The following ELMO1 variants were observed in gnomAD, a reference collection of about 807,000 sequenced individuals.
ELMO1 encodes engulfment and cell motility protein 1.
ELMO1 carries 26 observed loss-of-function variants against 98.9 expected under a neutral mutation model. That is an observed-to-expected ratio of 0.26 (90% CI 0.19 to 0.36). The LOEUF is 0.36. ELMO1 is among the 10% of genes least tolerant of loss of function. ELMO1 has a pLI of 1.00. For synonymous variants in ELMO1, 346 were observed against 346.0 expected (o/e 1.00, Z 0.00); for missense variants, 627 against 935.2 (o/e 0.67, Z 4.30).
At chr7:37,408,434 T>A (rs1290772061) in intron 1 of ELMO1, among the ~76,000 whole-genome samples, 1 of 152,008 alleles carries the variant, frequency 6.6e-6, no homozygotes. Context: ...GTGGAAAAAA[T>A]AACCGCAGAG....
At chr7:37,289,314 G>A (rs1051544703) in intron 4 of ELMO1, among the ~76,000 whole-genome samples, 33 of 152,194 alleles carry the variant, frequency 2.2e-4, no homozygotes, top group Admixed American at 2.0e-3. Context: ...TTCAGTCAAC[G>A]AGTGGATATT....
chr7:36,968,615 G>A (rs1789648896), intron 16 of ELMO1, among the ~76,000 whole-genome samples: 3 of 151,916 alleles, frequency 2.0e-5, no homozygotes, highest in African/African-American at 4.8e-5. Context: ...ATTAAATTTT[G>A]TTAATTCTTA....
chr7:37,285,987 TACAGAG>T (rs907382693), intron 4 of ELMO1, among the ~76,000 whole-genome samples: 8 of 150,396 alleles, frequency 5.3e-5, no homozygotes, highest in Admixed American at 5.3e-4. Context: ...CACAAAGTGC[TACAGAG>T]ACAAGAAAAA....
intron 16 of ELMO1, among the ~76,000 whole-genome samples, chr7:36,982,209 T>C (rs1167121417): frequency 1.3e-5 from 2 of 152,246 alleles, no homozygotes; most frequent in Admixed American, 6.5e-5. Flanking sequence ...TAACTATGAA[T>C]TTTATGAGAT....
At chr7:37,213,517 A>T in intron 11 of ELMO1, 60 bp from the exon 12 acceptor site, 1 of 1,508,898 alleles carries the variant, frequency 6.6e-7, no homozygotes, top group South Asian at 1.2e-5. Context: ...AACAACTAGA[A>T]TTAACACTCA....
intron 1 of ELMO1, among the ~76,000 whole-genome samples, chr7:37,350,057 G>A (rs960408860): frequency 7.9e-5 from 12 of 152,164 alleles, no homozygotes; most frequent in Non-Finnish European, 1.2e-4. Context: ...TACACTGGAG[G>A]GTCTGGATGG....
intron 14 of ELMO1, among the ~76,000 whole-genome samples, chr7:37,097,337 A>C (rs1291605854): frequency 6.6e-6 from 1 of 152,218 alleles, no homozygotes; most frequent in African/African-American, 2.4e-5. Flanking sequence ...CAGGAGTTGG[A>C]GACCAGCCTG....
rs201263845 is a variant in ELMO1, at chr7:36,974,099, G to A, written c.1437+39200C>T. Among the ~76,000 whole-genome samples, 285 of 152,356 alleles carry A rather than the reference G, an allele frequency of 1.9e-3. 1 individual carries two copies. The highest frequency in any genetic ancestry group is 6.0e-3 in the African/African-American group (251 of 41,590). On this transcript the variant is annotated intron_variant, in intron 16 of 21. Transcript: ENST00000310758. ...CTGTTCCACTGCGCCCAGTCCCATCGACCACCCAAGGGCTGAGGAGTGTGG... is the reference window on the plus strand; with the variant it reads ...CTGTTCCACTGCGCCCAGTCCCATCAACCACCCAAGGGCTGAGGAGTGTGG...
chr7:36,902,037 C>A (rs1009799277), intron 16 of ELMO1, among the ~76,000 whole-genome samples: 2 of 152,228 alleles, frequency 1.3e-5, no homozygotes, highest in African/African-American at 4.8e-5. Context: ...TGCCTCACCT[C>A]TCACTGTGGT....
intron 8 of ELMO1, among the ~76,000 whole-genome samples, chr7:37,230,413 C>T (rs867302789): frequency 3.3e-5 from 5 of 152,172 alleles, no homozygotes; most frequent in African/African-American, 9.6e-5. Flanking sequence ...GGGAACTATG[C>T]CTTCCACCAC....
intron 13 of ELMO1, among the ~76,000 whole-genome samples, chr7:37,150,773 G>A (rs1480902780): frequency 6.6e-6 from 1 of 152,144 alleles, no homozygotes; most frequent in Non-Finnish European, 1.5e-5. Flanking sequence ...GTAGTGGTGG[G>A]AAGACAGGTA....
At chr7:37,052,524 T>C (rs142484635) in intron 15 of ELMO1, among the ~76,000 whole-genome samples, 143 of 152,332 alleles carry the variant, frequency 9.4e-4, no homozygotes, top group African/African-American at 3.2e-3. Context: ...CTAAGTCTAC[T>C]AAGATTCAAT....
chr7:36,964,481 T>C (rs1435961929), intron 16 of ELMO1, among the ~76,000 whole-genome samples: 1 of 152,244 alleles, frequency 6.6e-6, no homozygotes, highest in Non-Finnish European at 1.5e-5. Context: ...ACTGAATGTG[T>C]GTCGCTCTCA....
At chr7:37,224,552 C>T (rs544116250) in intron 9 of ELMO1, among the ~76,000 whole-genome samples, 7 of 152,172 alleles carry the variant, frequency 4.6e-5, no homozygotes, top group Non-Finnish European at 1.0e-4. Flanking sequence ...AGAAAGAGAA[C>T]TTAAGAGAAC....
intron 1 of ELMO1, among the ~76,000 whole-genome samples, chr7:37,353,966 T>G (rs1203026402): frequency 1.3e-5 from 2 of 152,224 alleles, no homozygotes; most frequent in Non-Finnish European, 2.9e-5. Flanking sequence ...CCCTTGGGTC[T>G]GCTTCAAAAA....
chr7:36,956,518 C>A (rs1788458738), intron 16 of ELMO1, among the ~76,000 whole-genome samples: 1 of 152,106 alleles, frequency 6.6e-6, no homozygotes, highest in Non-Finnish European at 1.5e-5. Flanking sequence ...TTGTAAAGGA[C>A]AATTCCAAAA....
intron 4 of ELMO1, among the ~76,000 whole-genome samples, chr7:37,307,244 C>A (rs1337821595): frequency 6.6e-6 from 1 of 152,200 alleles, no homozygotes; most frequent in Non-Finnish European, 1.5e-5. Context: ...TCATCTTGAA[C>A]TGTAGTTCCC....
chr7:37,324,344 C>T (rs1417625325), intron 2 of ELMO1, among the ~76,000 whole-genome samples: 11 of 152,160 alleles, frequency 7.2e-5, no homozygotes, highest in Admixed American at 2.0e-4. Flanking sequence ...CATGGGCTGC[C>T]GTTCTCAGCT....
At chr7:37,120,340 G>A (rs530545333) in intron 14 of ELMO1, among the ~76,000 whole-genome samples, 15 of 152,360 alleles carry the variant, frequency 9.8e-5, no homozygotes, top group South Asian at 8.3e-4. Flanking sequence ...TGCCTCACCC[G>A]ACAAGCGCAA....
Sources: allele counts gnomAD v4.1 joint callset (sites outside exome capture counted in the v4.1 genomes callset), GRCh38; gene constraint gnomAD v4.1.1; transcripts MANE v1.5; gene names NCBI Gene and HGNC (gene_info 2026-07-23, HGNC 2026-07-21).